FOCAD: variants seen among roughly 807,000 people sequenced by gnomAD.
FOCAD encodes focadhesin.
Under a neutral mutation model 225.6 loss-of-function variants are expected in FOCAD, and 198 were observed. That is an observed-to-expected ratio of 0.88 (90% CI 0.78 to 0.99). FOCAD has a LOEUF of 0.99. FOCAD is among the 50% of genes least tolerant of loss of function. The pLI, the probability that FOCAD is intolerant of heterozygous loss-of-function variation, is 0.00. For synonymous variants in FOCAD, 897 were observed against 755.0 expected, an observed-to-expected ratio of 1.19 and a Z score of -3.08; for missense variants, 2,713 against 2,123.6, an observed-to-expected ratio of 1.28 and a Z score of -5.46.
At chr9:20,772,206 T>A (rs543934826) in intron 8 of FOCAD, among the ~76,000 whole-genome samples, 6 of 152,240 alleles carry the variant, frequency 3.9e-5, no homozygotes, top group Admixed American at 3.3e-4. Flanking sequence ...GCCATTCACT[T>A]TGAGAAATGG....
At chr9:20,881,810 A>G (rs1830687075) in intron 19 of FOCAD, 61 bp from the exon 20 acceptor site, 2 of 1,533,542 alleles carry the variant, frequency 1.3e-6, no homozygotes, top group East Asian at 2.2e-5. Context: ...TTAAGAACGC[A>G]TGTTTCTCTT....
intron 2 of FOCAD, among the ~76,000 whole-genome samples, chr9:20,659,016 C>G (rs1184840307): frequency 6.6e-6 from 1 of 152,152 alleles, no homozygotes; most frequent in Non-Finnish European, 1.5e-5. Context: ...CTCAGGAGTT[C>G]TAGACCAGCC....
Position 20,815,137 on chromosome 9 carries a change from G to GTTTTTTT in FOCAD, c.1456-4648_1456-4642dup, listed in dbSNP as rs71334555. On this transcript the variant is annotated intron_variant, in intron 11 of 43. Coordinates refer to ENST00000338382, the MANE Select transcript of FOCAD (RefSeq NM_001375567.1). ...TACTTCTCTTTGTTTTTTTTTTTTT[G>GTTTTTTT]TTTTTTTTTTTTTTTTTGAGACAGT... Among the ~76,000 whole-genome samples, 217 of 69,116 alleles carry GTTTTTTT rather than the reference G, an allele frequency of 3.1e-3. 12 individuals carry two copies. Among genetic ancestry groups the GTTTTTTT allele is most frequent in the African/African-American group, 0.013 (213 of 16,566 alleles). 45.3% of individuals were successfully genotyped at this position (69,116 alleles called of 152,430 possible). A position where few individuals can be genotyped will look rare whatever the true frequency, so the allele number is the denominator to read the frequency against.
chr9:20,811,535 CT>C (rs1823076748), intron 11 of FOCAD, among the ~76,000 whole-genome samples: 1 of 151,972 alleles, frequency 6.6e-6, no homozygotes, highest in African/African-American at 2.4e-5. Flanking sequence ...TTATTTGACT[CT>C]TAAAGGTTAA....
chr9:20,655,723 A>T, upstream of FOCAD, among the ~76,000 whole-genome samples: 1 of 152,160 alleles, frequency 6.6e-6, no homozygotes, highest in Non-Finnish European at 1.5e-5. Flanking sequence ...CTTTCAAAAA[A>T]CCAGCTCCTG....
intron 7 of FOCAD, among the ~76,000 whole-genome samples, chr9:20,766,110 C>T (rs2130961836): frequency 6.6e-6 from 1 of 152,312 alleles, no homozygotes; most frequent in South Asian, 2.1e-4. Flanking sequence ...TTTTTCACGT[C>T]ATGGCTGCAT....
intron 15 of FOCAD, among the ~76,000 whole-genome samples, chr9:20,835,156 A>T (rs1263560332): frequency 6.6e-6 from 1 of 152,056 alleles, no homozygotes; most frequent in South Asian, 2.1e-4. Context: ...TTCTTTTTAC[A>T]GTATGTTATT....
intron 2 of FOCAD, 28 bp from the exon 3 acceptor site, chr9:20,717,766 G>T: frequency 6.4e-7 from 1 of 1,556,946 alleles, no homozygotes; most frequent in Non-Finnish European, 8.8e-7. Context: ...CTAAGGGACT[G>T]TGTTCATTAA....
intron 11 of FOCAD, among the ~76,000 whole-genome samples, chr9:20,797,058 T>C (rs907100676): frequency 4.6e-5 from 7 of 152,230 alleles, no homozygotes; most frequent in Admixed American, 4.6e-4. Context: ...CCCACCATCA[T>C]TTATTAAATA....
intron 9 of FOCAD, 69 bp downstream of exon 9, chr9:20,778,837 C>A: frequency 1.2e-6 from 1 of 816,794 alleles, no homozygotes; most frequent in Non-Finnish European, 2.0e-6. Flanking sequence ...TTCACTTGAA[C>A]TATGTATCCT....
chr9:20,853,729 T>C (rs979252038), intron 15 of FOCAD, among the ~76,000 whole-genome samples: 2 of 151,378 alleles, frequency 1.3e-5, no homozygotes, highest in African/African-American at 2.4e-5. Flanking sequence ...TATCTATATC[T>C]GTTTGTTTCT....
At chr9:20,821,958 C>CT (rs5896914) in intron 14 of FOCAD, among the ~76,000 whole-genome samples, 120,661 of 139,240 alleles carry the variant, frequency 0.87, 52,383 homozygotes, top group African/African-American at 0.92. Flanking sequence ...AAGCTTCCAT[C>CT]TTTAGCAACA....
chr9:20,940,657 A>C (rs777563283), intron 28 of FOCAD, among the ~76,000 whole-genome samples: 3 of 152,140 alleles, frequency 2.0e-5, no homozygotes, highest in Non-Finnish European at 2.9e-5. Flanking sequence ...GCATTTTCAC[A>C]TCTGTTTCTC....
chr9:20,899,225 G>A (rs1003317961), intron 21 of FOCAD, among the ~76,000 whole-genome samples: 1 of 151,872 alleles, frequency 6.6e-6, no homozygotes, highest in Non-Finnish European at 1.5e-5. Context: ...AGTTTTTTCT[G>A]ATATTCACTA....
At chr9:20,902,255 C>T (rs568594354) in intron 21 of FOCAD, among the ~76,000 whole-genome samples, 8 of 151,704 alleles carry the variant, frequency 5.3e-5, no homozygotes, top group African/African-American at 1.5e-4. Flanking sequence ...CACATATATA[C>T]TGGAAGTATG....
chr9:20,975,669 T>C (rs1840166470), intron 35 of FOCAD, among the ~76,000 whole-genome samples: 1 of 152,118 alleles, frequency 6.6e-6, no homozygotes, highest in Admixed American at 6.6e-5. Context: ...GACAGCTAAG[T>C]AGCAACGTGG....
chr9:20,900,625 C>T (rs944789038), intron 21 of FOCAD, among the ~76,000 whole-genome samples: 1 of 151,820 alleles, frequency 6.6e-6, no homozygotes, highest in Admixed American at 6.6e-5. Flanking sequence ...CAATATGAAA[C>T]AATTAGGTGA....
At chr9:20,720,583 A>T in intron 4 of FOCAD, 49 bp downstream of exon 4, 3 of 1,583,222 alleles carry the variant, frequency 1.9e-6, no homozygotes, top group Non-Finnish European at 2.6e-6. Context: ...GTTTTTAGGA[A>T]AAAAATTCAC....
chr9:20,990,709 C>G (rs565030200), intron 42 of FOCAD, among the ~76,000 whole-genome samples: 1 of 152,018 alleles, frequency 6.6e-6, no homozygotes, highest in Non-Finnish European at 1.5e-5. Flanking sequence ...AGGTGAGGGT[C>G]GACGGGAAGG....
Sources: allele counts gnomAD v4.1 joint callset (sites outside exome capture counted in the v4.1 genomes callset), GRCh38; gene constraint gnomAD v4.1.1; transcripts MANE v1.5; gene names NCBI Gene and HGNC (gene_info 2026-07-23, HGNC 2026-07-21).